CDH18: variants seen among roughly 807,000 people sequenced by gnomAD.
CDH18 encodes the protein cadherin 18.
In CDH18, 31 loss-of-function variants were observed where a neutral mutation model predicts 67.9. The ratio of observed to expected loss-of-function variants is 0.46; its 90% CI spans 0.34 to 0.62. CDH18 has a LOEUF of 0.62. CDH18 is among the 20% of genes least tolerant of loss of function. CDH18 has a pLI of 0.01. For missense variants in CDH18, 890 were observed against 975.5 expected, an observed-to-expected ratio of 0.91 and a Z score of 1.17; for synonymous variants, 362 against 347.2, an observed-to-expected ratio of 1.04 and a Z score of -0.48.
intron 6 of CDH18, among the ~76,000 whole-genome samples, chr5:19,610,723 C>T (rs1293731756): frequency 1.3e-5 from 2 of 151,766 alleles, no homozygotes; most frequent in African/African-American, 4.9e-5. Flanking sequence ...TCTTTATCTT[C>T]AACTTCAATT....
intron 4 of CDH18, among the ~76,000 whole-genome samples, chr5:19,743,992 T>C (rs1014560166): frequency 5.8e-5 from 8 of 138,656 alleles, no homozygotes; most frequent in African/African-American, 1.7e-4. Context: ...ATGAACACAA[T>C]ATAAAGTGAG....
At chr5:19,747,681 G>A (rs977029632) in intron 3 of CDH18, among the ~76,000 whole-genome samples, 3 of 151,354 alleles carry the variant, frequency 2.0e-5, no homozygotes, top group Non-Finnish European at 4.4e-5. Context: ...ACAAATTGAG[G>A]TTCAAATTAA....
chr5:20,476,397 C>A (rs1382660917), intron 1 of CDH18, among the ~76,000 whole-genome samples: 3 of 148,402 alleles, frequency 2.0e-5, no homozygotes, highest in East Asian at 2.0e-4. Context: ...AAAAACTGAA[C>A]AATTTGATGA....
intron 2 of CDH18, among the ~76,000 whole-genome samples, chr5:20,226,311 C>T (rs1243593662): frequency 6.6e-6 from 1 of 152,006 alleles, no homozygotes; most frequent in African/African-American, 2.4e-5. Context: ...CTGTCACTGT[C>T]ATGAAAGAGC....
At chr5:20,016,369 C>T (rs963427074) in intron 2 of CDH18, among the ~76,000 whole-genome samples, 5 of 152,040 alleles carry the variant, frequency 3.3e-5, no homozygotes, top group Non-Finnish European at 7.4e-5. Flanking sequence ...GGGTACTATA[C>T]GTAGTACCTG....
At chr5:19,988,854 C>T (rs899067676), upstream of CDH18, among the ~76,000 whole-genome samples, 2 of 152,074 alleles carry the variant, frequency 1.3e-5, no homozygotes, top group African/African-American at 2.4e-5. Flanking sequence ...CCAAAGTACT[C>T]AAGGTATGGA....
chr5:19,750,013 T>A (rs1042204783), intron 3 of CDH18, among the ~76,000 whole-genome samples: 1 of 152,016 alleles, frequency 6.6e-6, no homozygotes, highest in Non-Finnish European at 1.5e-5. Flanking sequence ...TTCGATTACA[T>A]TGCTTTCTAA....
At chr5:19,608,514 A>C (rs1021049093) in intron 6 of CDH18, among the ~76,000 whole-genome samples, 33 of 151,026 alleles carry the variant, frequency 2.2e-4, no homozygotes, top group Admixed American at 1.2e-3. Flanking sequence ...TCCCCCCCCA[A>C]AAAAAATCAA....
intron 2 of CDH18, among the ~76,000 whole-genome samples, chr5:20,212,313 T>A (rs1488479093): frequency 6.6e-6 from 1 of 152,120 alleles, no homozygotes. Context: ...TTGATGTACC[T>A]GAAAGTGATG....
chr5:20,053,179 T>G (rs1019885996), intron 2 of CDH18, among the ~76,000 whole-genome samples: 4 of 151,830 alleles, frequency 2.6e-5, no homozygotes, highest in Non-Finnish European at 4.4e-5. Flanking sequence ...TGAAACGCTT[T>G]TAAAATAAGG....
At chr5:20,091,373 C>G (rs986651201) in intron 2 of CDH18, among the ~76,000 whole-genome samples, 2 of 151,942 alleles carry the variant, frequency 1.3e-5, no homozygotes, top group African/African-American at 4.8e-5. Flanking sequence ...CACCTGTAGT[C>G]CCAACTACTC....
At chr5:19,713,519 T>C (rs960607585) in intron 5 of CDH18, among the ~76,000 whole-genome samples, 1 of 152,160 alleles carries the variant, frequency 6.6e-6, no homozygotes, top group African/African-American at 2.4e-5. Flanking sequence ...AACACTGATC[T>C]ATAATTGCAT....
At chr5:20,209,936 AC>A (rs1197312407) in intron 2 of CDH18, among the ~76,000 whole-genome samples, 1 of 151,498 alleles carries the variant, frequency 6.6e-6, no homozygotes, top group Non-Finnish European at 1.5e-5. Context: ...TATCACATGT[AC>A]CCCCAAAATA....
intron 5 of CDH18, among the ~76,000 whole-genome samples, chr5:19,720,882 A>T (rs968350191): frequency 6.6e-6 from 1 of 152,174 alleles, no homozygotes; most frequent in Non-Finnish European, 1.5e-5. Flanking sequence ...AGTACAATAC[A>T]ATTTTATATA....
At chr5:20,341,134 C>T (rs150272045) in intron 1 of CDH18, among the ~76,000 whole-genome samples, 36 of 152,296 alleles carry the variant, frequency 2.4e-4, no homozygotes, top group African/African-American at 8.7e-4. Context: ...ATGGTTAATA[C>T]TGAGTGTCAA....
At chr5:20,027,600 G>T (rs1236671548) in intron 2 of CDH18, among the ~76,000 whole-genome samples, 1 of 152,166 alleles carries the variant, frequency 6.6e-6, no homozygotes, top group East Asian at 1.9e-4. Flanking sequence ...ATTTTGCTAG[G>T]AGGGAAAGCA....
intron 1 of CDH18, among the ~76,000 whole-genome samples, chr5:20,501,794 C>T (rs561213575): frequency 2.2e-5 from 3 of 137,196 alleles, no homozygotes; most frequent in East Asian, 4.6e-4. Context: ...CCCAAGTGTA[C>T]TTGTGCCTAT....
At chr5:20,368,440 C>T (rs1742696154) in intron 1 of CDH18, among the ~76,000 whole-genome samples, 1 of 152,074 alleles carries the variant, frequency 6.6e-6, no homozygotes, top group African/African-American at 2.4e-5. Context: ...GCAAAATTGA[C>T]ACAATTCCAT....
At chr5:19,537,199 C>T (rs754778923) in intron 9 of CDH18, among the ~76,000 whole-genome samples, 82 of 152,068 alleles carry the variant, frequency 5.4e-4, no homozygotes, top group Non-Finnish European at 3.8e-4. Context: ...GTAATTCCCC[C>T]CCAGTGACAG....
Sources: gnomAD v4.1 joint callset for allele counts (sites outside exome capture counted in the v4.1 genomes callset) on GRCh38, gnomAD v4.1.1 for gene constraint, MANE v1.5 for transcripts, NCBI Gene and HGNC (gene_info 2026-07-23, HGNC 2026-07-21) for gene names.